Variants in ME3 observed in about 807,000 individuals in gnomAD.
ME3 encodes NADP-dependent malic enzyme, mitochondrial.
Under a neutral mutation model 68.9 loss-of-function variants are expected in ME3, and 48 were observed. That is an observed-to-expected ratio of 0.70 (90% confidence interval 0.55 to 0.89). ME3 has a LOEUF of 0.89. Among genes scored for constraint, ME3 ranks in the 40% least tolerant of loss-of-function variants. ME3 has a pLI of 0.00. For synonymous variants in ME3, 320 were observed against 318.8 expected (o/e 1.00, Z -0.04); for missense variants, 675 against 797.4 (o/e 0.85, Z 1.85).
intron 2 of ME3, among the ~76,000 whole-genome samples, chr11:86,663,651 C>T (rs748658254): frequency 2.0e-5 from 3 of 152,128 alleles, no homozygotes; most frequent in South Asian, 2.1e-4. Flanking sequence ...AATCAAAAGG[C>T]CTTTTTTCCC....
intron 12 of ME3, 157 bp downstream of exon 12, chr11:86,446,908 T>C (rs1296516613): frequency 9.6e-7 from 1 of 1,042,876 alleles, no homozygotes; most frequent in East Asian, 2.6e-5. Context: ...CCAGCTCCAC[T>C]CCTTATTAGC....
intron 12 of ME3, 160 bp downstream of exon 12, chr11:86,446,905 C>G (rs138928421): frequency 1.0e-6 from 1 of 1,002,878 alleles, no homozygotes; most frequent in Non-Finnish European, 1.4e-6. Flanking sequence ...CAGCCAGCTC[C>G]ACTCCTTATT....
intron 4 of ME3, among the ~76,000 whole-genome samples, chr11:86,547,981 C>T (rs1956464043): frequency 6.6e-6 from 1 of 152,212 alleles, no homozygotes. Flanking sequence ...ACATCCTGTT[C>T]TAGTTAATAA....
chr11:86,465,583 C>T (rs547817093), intron 7 of ME3, among the ~76,000 whole-genome samples: 44 of 152,306 alleles, frequency 2.9e-4, no homozygotes, highest in Admixed American at 4.6e-4. Flanking sequence ...GCTCACTCCA[C>T]ATCCAAGTGC....
rs143967769 is a variant in ME3, at chr11:86,621,067, AG to A, written c.183+50694del. Among the ~76,000 whole-genome samples, 249 of 152,338 alleles carry A rather than the reference AG, an allele frequency of 1.6e-3. 3 individuals carry two copies. In the East Asian group the frequency reaches 0.043, roughly 27 times the overall value. On this transcript the variant is annotated intron_variant, in intron 2 of 14. Transcript: ENST00000543262. ...CAAATGATGTCGAGGGAACTCTTCC[AG>A]GCCTCACAATAAAGTGTCCAGACCA...
chr11:86,654,853 G>A (rs78382721), intron 2 of ME3, among the ~76,000 whole-genome samples: 52,462 of 151,846 alleles, frequency 0.35, 10,837 homozygotes, highest in Non-Finnish European at 0.46. Flanking sequence ...AAACCCCATC[G>A]TCTCAGCCCA....
intron 4 of ME3, among the ~76,000 whole-genome samples, chr11:86,526,803 G>A (rs1052799928): frequency 6.6e-6 from 1 of 152,208 alleles, no homozygotes; most frequent in Admixed American, 6.5e-5. Context: ...GCAGCTGAGG[G>A]TCCTAACTGT....
chr11:86,464,656 C>G (rs142085943), intron 8 of ME3, among the ~76,000 whole-genome samples: 1 of 152,140 alleles, frequency 6.6e-6, no homozygotes, highest in Admixed American at 6.5e-5. Context: ...ATTGGTGCTT[C>G]GGTCTGATGA....
chr11:86,501,194 A>ATAATAATAATAATAATAC (rs111280850), intron 5 of ME3, among the ~76,000 whole-genome samples: 2 of 150,446 alleles, frequency 1.3e-5, no homozygotes, highest in Non-Finnish European at 1.5e-5. Context: ...AATAATAATA[A>ATAATAATAATAATAATAC]TACTTAACTC....
At position 86,639,771 on chromosome 11, in the gene ME3, C is replaced by T. The variant is rs151333679; in HGVS notation, c.183+31991G>A. ...GCAGAAAACTTCAAGGTAAAAGAAA[C>T]CTGAATATCCTTTCAAATTAGGCTA... is the stretch of plus-strand genomic sequence containing the variant. On this transcript the variant is annotated intron_variant, in intron 2 of 14. Transcript: ENST00000543262. 2.6e-5 allele frequency among the ~76,000 whole-genome samples: 4 copies of T among 152,304 alleles called. No individual in the cohort carries two copies. In the East Asian group the frequency reaches 7.7e-4, roughly 29 times the overall value.
chr11:86,497,819 G>A, intron 6 of ME3, 144 bp downstream of exon 6: 3 of 965,082 alleles, frequency 3.1e-6, no homozygotes, highest in Non-Finnish European at 3.0e-6. Context: ...CCACAACTGT[G>A]TAGGGGGAAT....
intron 2 of ME3, among the ~76,000 whole-genome samples, chr11:86,589,199 A>G (rs1958911853): frequency 6.6e-6 from 1 of 152,066 alleles, no homozygotes; most frequent in South Asian, 2.1e-4. Context: ...AGCTCTAAAA[A>G]TATTTGTCAG....
chr11:86,645,420 C>G (rs1944939453), intron 2 of ME3, among the ~76,000 whole-genome samples: 1 of 152,128 alleles, frequency 6.6e-6, no homozygotes, highest in African/African-American at 2.4e-5. Context: ...GGCCGTTTTC[C>G]CCTCACAGTG....
At chr11:86,591,294 T>TGGG (rs1243915841) in intron 2 of ME3, among the ~76,000 whole-genome samples, 3 of 152,234 alleles carry the variant, frequency 2.0e-5, no homozygotes, top group Non-Finnish European at 4.4e-5. Flanking sequence ...TGGGCTGAAT[T>TGGG]GGGTCCTCCC....
chr11:86,602,707 C>T (rs1027405917), intron 2 of ME3, among the ~76,000 whole-genome samples: 1 of 152,190 alleles, frequency 6.6e-6, no homozygotes, highest in Non-Finnish European at 1.5e-5. Flanking sequence ...TCAAACTATA[C>T]TGCAAGGCTA....
chr11:86,508,261 C>T (rs1320085022), intron 5 of ME3, among the ~76,000 whole-genome samples: 1 of 152,162 alleles, frequency 6.6e-6, no homozygotes, highest in Non-Finnish European at 1.5e-5. Context: ...TAACTGTCCA[C>T]AGCCTACCCC....
At chr11:86,570,020 G>A (rs933934265) in intron 2 of ME3, among the ~76,000 whole-genome samples, 23 of 152,196 alleles carry the variant, frequency 1.5e-4, no homozygotes, top group Non-Finnish European at 2.9e-5. Context: ...GCATTCCTCT[G>A]TATTTGCCTC....
chr11:86,540,037 A>G (rs1219440000), intron 4 of ME3, among the ~76,000 whole-genome samples: 1 of 152,212 alleles, frequency 6.6e-6, no homozygotes, highest in Non-Finnish European at 1.5e-5. Flanking sequence ...ATGACTCAGT[A>G]TGGCAGATGC....
chr11:86,487,460 T>C lies in ME3; in HGVS notation c.706-20A>G, dbSNP rs752176675. 24 of 1,599,864 alleles carry C rather than the reference T, an allele frequency of 1.5e-5. No individual in the cohort carries two copies. Among genetic ancestry groups the C allele is most frequent in the Non-Finnish European group, 1.7e-5 (20 of 1,168,168 alleles). ...CAGCTCCTGGAACAGACAGCACCCA[T>C]TGACTGAGCCTACTCCCGGTGTTCC... On this transcript the variant is annotated intron_variant, in intron 6 of 14. Transcript: ENST00000543262.
Sources: allele counts gnomAD v4.1 joint callset (sites outside exome capture counted in the v4.1 genomes callset), GRCh38; gene constraint gnomAD v4.1.1; transcripts MANE v1.5; gene names NCBI Gene and HGNC (gene_info 2026-07-23, HGNC 2026-07-21).